The following SORCS3 variants were observed in gnomAD, a reference collection of about 807,000 sequenced individuals.
The protein encoded by SORCS3 is sortilin related VPS10 domain containing receptor 3.
SORCS3 carries 57 observed loss-of-function variants against 146.3 expected under a neutral mutation model. That is an observed-to-expected ratio of 0.39 (90% confidence interval 0.31 to 0.49). The LOEUF (loss-of-function observed/expected upper bound fraction) is 0.49. SORCS3 is among the 20% of genes least tolerant of loss of function. The probability of loss-of-function intolerance (pLI) is 0.92; values close to 1 mark genes in which losing one functional copy is unlikely to be tolerated. For missense variants in SORCS3, 1,341 were observed against 1,575.5 expected (o/e 0.85, Z 2.52); for synonymous variants, 653 against 618.5 (o/e 1.06, Z -0.83).
intron 2 of SORCS3, among the ~76,000 whole-genome samples, chr10:104,859,854 C>G (rs1282437193): frequency 6.8e-6 from 1 of 148,086 alleles, no homozygotes; most frequent in Admixed American, 6.9e-5. Flanking sequence ...AAATGCAAAT[C>G]AAAACCACAA....
chr10:105,238,001 A>G (rs928940169), intron 20 of SORCS3, among the ~76,000 whole-genome samples: 1 of 152,166 alleles, frequency 6.6e-6, no homozygotes, highest in East Asian at 1.9e-4. Context: ...GATATTAGGG[A>G]TAGAAAAACA....
intron 4 of SORCS3, among the ~76,000 whole-genome samples, chr10:105,029,425 C>A (rs973178443): frequency 6.6e-6 from 1 of 152,172 alleles, no homozygotes; most frequent in Non-Finnish European, 1.5e-5. Context: ...CAGACCATAT[C>A]CCTTTTGTAT....
chr10:105,104,399 C>G (rs1021678881), intron 6 of SORCS3, among the ~76,000 whole-genome samples: 15 of 152,080 alleles, frequency 9.9e-5, no homozygotes, highest in African/African-American at 3.4e-4. Context: ...GAATGGATTC[C>G]CTTTCCTTGG....
At chr10:104,935,222 C>T (rs7099585) in intron 3 of SORCS3, among the ~76,000 whole-genome samples, 42,009 of 151,986 alleles carry the variant, frequency 0.28, 7,471 homozygotes, top group African/African-American at 0.51. Context: ...CACTAGGAAG[C>T]TGATGACCTA....
chr10:105,262,592 A>G (rs1461586392), intron 26 of SORCS3, 101 bp downstream of exon 26: 2 of 1,197,136 alleles, frequency 1.7e-6, no homozygotes, highest in Non-Finnish European at 2.3e-6. Flanking sequence ...GGGTGGGGAC[A>G]AACAACTACC....
At chr10:104,822,007 A>G (rs2017878450) in intron 1 of SORCS3, 2 of 481,024 alleles carry the variant, frequency 4.2e-6, no homozygotes, top group Non-Finnish European at 8.2e-6. Context: ...ACACCTGGGC[A>G]CTTTCATACC....
At chr10:105,081,125 T>C in intron 5 of SORCS3, among the ~76,000 whole-genome samples, 1 of 152,222 alleles carries the variant, frequency 6.6e-6, no homozygotes, top group Non-Finnish European at 1.5e-5. Context: ...AAAATAATAT[T>C]AATAAAATTA....
chr10:104,821,054 A>T (rs138607659), intron 1 of SORCS3, among the ~76,000 whole-genome samples: 1 of 152,190 alleles, frequency 6.6e-6, no homozygotes, highest in Non-Finnish European at 1.5e-5. Flanking sequence ...AGCTCAAATG[A>T]TGATGTCGTC....
At chr10:105,128,765 G>A (rs1315082882) in intron 7 of SORCS3, among the ~76,000 whole-genome samples, 1 of 152,144 alleles carries the variant, frequency 6.6e-6, no homozygotes, top group Non-Finnish European at 1.5e-5. Context: ...ATTTGTCAGT[G>A]AATACACTTC....
At chr10:104,953,397 C>T (rs532152947) in intron 3 of SORCS3, among the ~76,000 whole-genome samples, 12 of 152,300 alleles carry the variant, frequency 7.9e-5, no homozygotes, top group Admixed American at 4.6e-4. Flanking sequence ...TATTCTAAAA[C>T]GGTGATGCTC....
At chr10:104,930,989 G>A (rs1389472168) in intron 3 of SORCS3, among the ~76,000 whole-genome samples, 1 of 152,116 alleles carries the variant, frequency 6.6e-6, no homozygotes, top group Non-Finnish European at 1.5e-5. Context: ...AGGACAATGG[G>A]CCCTTGAAAA....
chr10:105,073,752 G>A (rs1241024011), intron 5 of SORCS3, among the ~76,000 whole-genome samples: 2 of 152,126 alleles, frequency 1.3e-5, no homozygotes, highest in African/African-American at 2.4e-5. Context: ...CGGACTGGGT[G>A]GGGGTGTGGC....
chr10:104,663,281 G>A (rs547573912), intron 1 of SORCS3, among the ~76,000 whole-genome samples: 34 of 152,230 alleles, frequency 2.2e-4, no homozygotes, highest in East Asian at 1.9e-4. Flanking sequence ...GCTGTCTATC[G>A]CCTTTCATGG....
chr10:104,785,783 G>A (rs575175412), intron 1 of SORCS3, among the ~76,000 whole-genome samples: 29 of 152,112 alleles, frequency 1.9e-4, no homozygotes, highest in African/African-American at 6.5e-4. Flanking sequence ...TCTAGTTCTC[G>A]GGTGTTCTGA....
intron 3 of SORCS3, among the ~76,000 whole-genome samples, chr10:104,937,453 A>G (rs2019271508): frequency 6.6e-6 from 1 of 152,260 alleles, no homozygotes; most frequent in Admixed American, 6.5e-5. Context: ...AGAGTTCACT[A>G]TAAAATCTAA....
intron 23 of SORCS3, among the ~76,000 whole-genome samples, chr10:105,255,390 T>TGCA (rs1252667270): frequency 2.0e-5 from 3 of 151,840 alleles, no homozygotes; most frequent in Admixed American, 1.3e-4. Context: ...AGTTAATGGG[T>TGCA]GCAGCACACC....
chr10:104,914,944 C>T (rs1246922058), intron 2 of SORCS3, among the ~76,000 whole-genome samples: 5 of 141,770 alleles, frequency 3.5e-5, no homozygotes, highest in Admixed American at 7.5e-5. Flanking sequence ...ACAGTGATGA[C>T]GGGAAGAGGA....
intron 17 of SORCS3, 84 bp from the exon 18 acceptor site, chr10:105,214,358 C>T (rs2056652049): frequency 8.6e-7 from 1 of 1,168,118 alleles, no homozygotes; most frequent in Non-Finnish European, 1.2e-6. Context: ...TCTTACATTC[C>T]CTTTATAACA....
At chr10:104,723,471 G>T (rs2016577759) in intron 1 of SORCS3, among the ~76,000 whole-genome samples, 1 of 152,212 alleles carries the variant, frequency 6.6e-6, no homozygotes, top group Admixed American at 6.5e-5. Flanking sequence ...TTGGGGTGGA[G>T]AGTGCTGTAG....
Sources: allele counts gnomAD v4.1 joint callset (sites outside exome capture counted in the v4.1 genomes callset), GRCh38; gene constraint gnomAD v4.1.1; transcripts MANE v1.5; gene names NCBI Gene and HGNC (gene_info 2026-07-23, HGNC 2026-07-21).